The following IFT57 variants were observed in gnomAD, a reference collection of about 807,000 sequenced individuals.
IFT57 encodes intraflagellar transport protein 57 homolog.
Under a neutral mutation model 56.8 loss-of-function variants are expected in IFT57, and 59 were observed. That is an observed-to-expected ratio of 1.04 (90% CI 0.84 to 1.29). IFT57 has a LOEUF of 1.29. IFT57 is among the 50% of genes most tolerant of loss of function. IFT57 has a pLI of 0.00. For missense variants in IFT57, 470 were observed against 522.1 expected (o/e 0.90, Z 0.97); for synonymous variants, 209 against 186.1 (o/e 1.12, Z -1.00).
intron 5 of IFT57, among the ~76,000 whole-genome samples, chr3:108,203,901 G>A (rs545786879): frequency 1.3e-5 from 2 of 152,272 alleles, no homozygotes; most frequent in African/African-American, 2.4e-5. Flanking sequence ...ATCCACACAC[G>A]GCTGGGCTTG....
intron 6 of IFT57, among the ~76,000 whole-genome samples, chr3:108,181,253 T>C (rs2080150016): frequency 6.7e-6 from 1 of 149,874 alleles, no homozygotes; most frequent in Non-Finnish European, 1.5e-5. Context: ...AAAATCTTTT[T>C]TAGTTGCTAA....
At chr3:108,192,364 A>G (rs1018824288) in intron 5 of IFT57, among the ~76,000 whole-genome samples, 1 of 152,162 alleles carries the variant, frequency 6.6e-6, no homozygotes, top group African/African-American at 2.4e-5. Flanking sequence ...AATTTAATAT[A>G]GACATACTTG....
chr3:108,193,569 A>G (rs990053139), intron 5 of IFT57, among the ~76,000 whole-genome samples: 1 of 152,226 alleles, frequency 6.6e-6, no homozygotes, highest in African/African-American at 2.4e-5. Context: ...TCTACTTTAA[A>G]CATTTAAATA....
At position 108,161,902 on chromosome 3, in the gene IFT57, T is replaced by G. The variant is rs1339036786; in HGVS notation, c.*575A>C. On this transcript the variant is annotated 3_prime_UTR_variant, in exon 11 of 11. Coordinates refer to ENST00000264538, the MANE Select transcript of IFT57 (RefSeq NM_018010.4). ...GTGGCTTAGATCCTAGAAGATAGAT[T>G]CCCTATAAAATCATTTTAGCCACGA... The G allele has an allele frequency of 3.3e-5, 5 of 152,178 alleles. No homozygotes were observed. The highest frequency in any genetic ancestry group is 1.2e-4 in the African/African-American group (5 of 41,452). 9.4% of individuals were successfully genotyped at this position (152,178 alleles called of 1,614,324 possible).
At chr3:108,174,274 A>G (rs953944945) in intron 6 of IFT57, among the ~76,000 whole-genome samples, 6 of 151,656 alleles carry the variant, frequency 4.0e-5, no homozygotes, top group African/African-American at 7.3e-5. Flanking sequence ...AAAAGGCAAA[A>G]TATATATCTT....
intron 6 of IFT57, among the ~76,000 whole-genome samples, chr3:108,185,990 C>T (rs550658861): frequency 6.6e-6 from 1 of 152,156 alleles, no homozygotes; most frequent in Admixed American, 6.6e-5. Context: ...ACTTAAACAT[C>T]GAAGGCACTG....
At chr3:108,217,235 A>C (rs1431241099) in intron 3 of IFT57, among the ~76,000 whole-genome samples, 1 of 152,128 alleles carries the variant, frequency 6.6e-6, no homozygotes, top group African/African-American at 2.4e-5. Flanking sequence ...TGCCAATTAA[A>C]ACTAAAAAAT....
At chr3:108,189,938 G>A (rs1325619027) in intron 6 of IFT57, among the ~76,000 whole-genome samples, 1 of 152,102 alleles carries the variant, frequency 6.6e-6, no homozygotes, top group Non-Finnish European at 1.5e-5. Context: ...TCATTAAGTG[G>A]AAGTGGATCA....
intron 1 of IFT57, among the ~76,000 whole-genome samples, chr3:108,221,399 T>C (rs540672649): frequency 4.9e-4 from 74 of 152,326 alleles, no homozygotes; most frequent in African/African-American, 1.7e-3. Context: ...CAGCAAGTAA[T>C]GGCATTGCTT....
At chr3:108,163,773 C>G (rs1560098801) in intron 9 of IFT57, 44 bp from the exon 10 acceptor site, 1 of 1,254,554 alleles carries the variant, frequency 8.0e-7, no homozygotes, top group Admixed American at 1.8e-5. Flanking sequence ...TTTTAATAAA[C>G]TTTCACAATT....
intron 5 of IFT57, among the ~76,000 whole-genome samples, chr3:108,199,771 G>A (rs2080267328): frequency 6.6e-6 from 1 of 152,132 alleles, no homozygotes; most frequent in Non-Finnish European, 1.5e-5. Context: ...ATAGATTTAT[G>A]GGTTTTTGTA....
At position 108,163,230 on chromosome 3, in the gene IFT57, C is replaced by A. The variant is rs9864438; in HGVS notation, c.1111+433G>T. Among the ~76,000 whole-genome samples, 704 of 152,182 alleles carry A rather than the reference C, an allele frequency of 4.6e-3. 3 individuals are homozygous for A. The highest frequency in any genetic ancestry group is 0.016 in the African/African-American group (667 of 41,530). On this transcript the variant is annotated intron_variant, in intron 10 of 10. Transcript: ENST00000264538. ...TTAATTCTTCTCTATTTGACCCCTG[C>A]CCAGTCAGTTCTACTGGGGAGGAGG... is the stretch of plus-strand genomic sequence containing the variant.
intron 6 of IFT57, 65 bp downstream of exon 6, chr3:108,191,456 C>A: frequency 1.7e-6 from 2 of 1,191,350 alleles, no homozygotes; most frequent in South Asian, 1.7e-5. Context: ...TGGGAGTACC[C>A]CTAACCCTGA....
At chr3:108,218,389 A>G (rs969517414) in intron 3 of IFT57, 146 bp downstream of exon 3, 7 of 466,828 alleles carry the variant, frequency 1.5e-5, no homozygotes, top group African/African-American at 8.0e-5. Context: ...TTTTGTCTAT[A>G]CTGGCTTTTC....
chr3:108,167,498 CCTTT>C (rs1324870343), intron 7 of IFT57, among the ~76,000 whole-genome samples: 1 of 151,368 alleles, frequency 6.6e-6, no homozygotes, highest in Non-Finnish European at 1.5e-5. Context: ...GTTCTTTCCT[CCTTT>C]AAGATTCAGA....
intron 5 of IFT57, among the ~76,000 whole-genome samples, chr3:108,205,051 C>T (rs2080301894): frequency 6.6e-6 from 1 of 150,880 alleles, no homozygotes; most frequent in African/African-American, 2.4e-5. Flanking sequence ...TAAAAAATAC[C>T]TTCATTCATT....
At chr3:108,191,283 T>C (rs1164634715) in intron 6 of IFT57, among the ~76,000 whole-genome samples, 1 of 152,160 alleles carries the variant, frequency 6.6e-6, no homozygotes, top group Non-Finnish European at 1.5e-5. Context: ...CCCTCAACAC[T>C]AGGCAAATAT....
intron 10 of IFT57, among the ~76,000 whole-genome samples, chr3:108,163,227 C>T (rs1290931304): frequency 2.6e-5 from 4 of 152,106 alleles, no homozygotes; most frequent in Admixed American, 1.3e-4. Context: ...TATTTGACCC[C>T]TGCCCAGTCA....
At chr3:108,174,302 T>C (rs10514751) in intron 6 of IFT57, among the ~76,000 whole-genome samples, 14,017 of 150,326 alleles carry the variant, frequency 0.093, 724 homozygotes, top group Middle Eastern at 0.11. Context: ...ACTATTAACA[T>C]AACTGCGATA....
Sources: gnomAD v4.1 joint callset for allele counts (sites outside exome capture counted in the v4.1 genomes callset) on GRCh38, gnomAD v4.1.1 for gene constraint, MANE v1.5 for transcripts, NCBI Gene and HGNC (gene_info 2026-07-23, HGNC 2026-07-21) for gene names.